ARSK: variants seen among roughly 807,000 people sequenced by gnomAD.
The protein encoded by ARSK is arylsulfatase K.
A neutral mutation model predicts 53.2 loss-of-function variants in ARSK; 37 were observed. The ratio of observed to expected loss-of-function variants is 0.70; its 90% CI spans 0.54 to 0.92. The LOEUF is 0.92. Among genes scored for constraint, ARSK ranks in the 40% least tolerant of loss-of-function variants. The probability of loss-of-function intolerance (pLI) is 0.00; values close to 1 mark genes in which losing one functional copy is unlikely to be tolerated. For synonymous variants in ARSK, 208 were observed against 223.2 expected (o/e 0.93, Z 0.61); for missense variants, 613 against 643.0 (o/e 0.95, Z 0.51).
intron 1 of ARSK, among the ~76,000 whole-genome samples, chr5:95,558,013 C>T (rs967679529): frequency 2.6e-5 from 4 of 152,170 alleles, no homozygotes; most frequent in African/African-American, 9.7e-5. Context: ...ACAGAGGTTT[C>T]ACTCAGGTGG....
At position 95,596,358 on chromosome 5, in the gene ARSK, CCTTT is replaced by C. The variant is rs57270208; in HGVS notation, c.1097-4484_1097-4481del. ...TATCTATTCTTAGAGCTCTCAAAGT[CCTTT>C]CTTTATTAGTTTAGCTGTAGCTTTA... On this transcript the variant is annotated intron_variant, in intron 6 of 7. Transcript: ENST00000380009. Among the ~76,000 whole-genome samples, 724 of 152,194 alleles carry C rather than the reference CCTTT, an allele frequency of 4.8e-3. 2 individuals are homozygous for C. Among genetic ancestry groups the C allele is most frequent in the African/African-American group, 0.016 (676 of 41,552 alleles).
chr5:95,573,327 A>C (rs1748867436), intron 3 of ARSK, among the ~76,000 whole-genome samples: 1 of 152,186 alleles, frequency 6.6e-6, no homozygotes, highest in Admixed American at 6.5e-5. Context: ...TTAAAAACTA[A>C]ATTTCTAACA....
intron 3 of ARSK, among the ~76,000 whole-genome samples, chr5:95,579,246 A>G (rs969049844): frequency 9.9e-5 from 15 of 152,164 alleles, no homozygotes; most frequent in Admixed American, 8.5e-4. Context: ...CAGTGAGTCT[A>G]GGATAGTGTA....
At chr5:95,595,097 A>G (rs559675746) in intron 6 of ARSK, among the ~76,000 whole-genome samples, 1 of 152,320 alleles carries the variant, frequency 6.6e-6, no homozygotes, top group East Asian at 1.9e-4. Context: ...TGGATTAAAA[A>G]TAGTCACTTC....
intron 3 of ARSK, among the ~76,000 whole-genome samples, chr5:95,571,421 G>T (rs1748829594): frequency 6.6e-6 from 1 of 152,118 alleles, no homozygotes; most frequent in Admixed American, 6.5e-5. Flanking sequence ...GAATGAAAAA[G>T]TTATTTTGAA....
chr5:95,572,560 C>T lies in ARSK; in HGVS notation c.416+4511C>T, dbSNP rs140318517. 9.7e-3 allele frequency among the ~76,000 whole-genome samples: 1,484 copies of T among 152,324 alleles called. 15 individuals are homozygous for T. Among genetic ancestry groups the T allele is most frequent in the Non-Finnish European group, 0.016 (1,110 of 68,026 alleles). Reference sequence around the variant, plus strand: ...TTGGGAGGCCGAGGCGGGCAGATCACGAGGTCAGGAGATTGATACCATCTT... The same window carrying T: ...TTGGGAGGCCGAGGCGGGCAGATCATGAGGTCAGGAGATTGATACCATCTT... On this transcript the variant is annotated intron_variant, in intron 3 of 7. Transcript: ENST00000380009.
chr5:95,593,817 T>C (rs1561369053), intron 6 of ARSK, among the ~76,000 whole-genome samples: 1 of 152,090 alleles, frequency 6.6e-6, no homozygotes, highest in African/African-American at 2.4e-5. Context: ...TAGGTTTTTT[T>C]CCTGCAATTT....
chr5:95,591,292 A>T, intron 5 of ARSK, 109 bp from the exon 6 acceptor site: 1 of 905,962 alleles, frequency 1.1e-6, no homozygotes, highest in Non-Finnish European at 1.7e-6. Flanking sequence ...TTCAGATGTT[A>T]AGAAGCATAG....
chr5:95,561,501 C>T (rs1380888732), intron 1 of ARSK, among the ~76,000 whole-genome samples: 1 of 152,058 alleles, frequency 6.6e-6, no homozygotes, highest in African/African-American at 2.4e-5. Context: ...AATGGCCAAA[C>T]AGTATAAACA....
chr5:95,578,774 A>G (rs1259563922), intron 3 of ARSK, among the ~76,000 whole-genome samples: 4 of 152,134 alleles, frequency 2.6e-5, no homozygotes, highest in African/African-American at 9.7e-5. Context: ...TTTAAGGTAT[A>G]TTTTTTCAGA....
At chr5:95,573,143 C>T (rs1322912346) in intron 3 of ARSK, among the ~76,000 whole-genome samples, 1 of 152,148 alleles carries the variant, frequency 6.6e-6, no homozygotes, top group Non-Finnish European at 1.5e-5. Flanking sequence ...TTAGGAATGT[C>T]ACACTTAAAA....
rs1748489086 is a variant in ARSK at position 95,555,778 on chromosome 5, C to T, written c.126+374C>T. On this transcript the variant is annotated intron_variant, in intron 1 of 7. Transcript: ENST00000380009. This position sits in a 1 kb window ranked among gnomAD's most constrained non-coding sequence, Gnocchi z 4.0. ...AAAAGCGTGTTAGCTTTCCAAAAGT[C>T]ATTTTCCAGTTCACCTCAAGTTTGC... 6.6e-6 allele frequency among the ~76,000 whole-genome samples: 1 copy of T among 152,188 alleles called. No homozygotes were observed. The highest frequency in any genetic ancestry group is 1.5e-5 in the Non-Finnish European group (1 of 68,024).
chr5:95,582,957 T>C lies in ARSK; in HGVS notation c.458T>C (p.Leu153Pro). The change falls in exon 4 of 8, where the codon CTC becomes CCC. Residue 153 changes from leucine (L) to proline (P), a missense_variant. Transcript: ENST00000380009. ...EAWTRDVAFL[L>P]RQEGRPMVNL... ...TGGACAAGAGATGTTGCTTTCTTAC[T>C]CAGACAAGAAGGCAGGCCCATGGTT... 1 of 1,612,240 alleles carries C rather than the reference T, an allele frequency of 6.2e-7. No homozygotes were observed. Among genetic ancestry groups the C allele is most frequent in the East Asian group, 2.2e-5 (1 of 44,868 alleles).
chr5:95,589,497 C>T (rs1749177440), intron 5 of ARSK, among the ~76,000 whole-genome samples: 1 of 152,196 alleles, frequency 6.6e-6, no homozygotes, highest in Non-Finnish European at 1.5e-5. Context: ...TCTCATTGTT[C>T]AGCTCCCACT....
At chr5:95,586,805 C>A in intron 5 of ARSK, 72 bp downstream of exon 5, 1 of 1,309,750 alleles carries the variant, frequency 7.6e-7, no homozygotes, top group South Asian at 1.6e-5. Context: ...TGTAATCATG[C>A]TGCTTGGTGA....
chr5:95,570,238 A>C (rs555624539), intron 3 of ARSK, among the ~76,000 whole-genome samples: 5 of 152,226 alleles, frequency 3.3e-5, no homozygotes, highest in Non-Finnish European at 7.4e-5. Flanking sequence ...GCCCCTGTCT[A>C]CCTCCAGTCT....
At chr5:95,586,495 A>G (rs542168636) in intron 4 of ARSK, 67 bp from the exon 5 acceptor site, 5 of 1,225,230 alleles carry the variant, frequency 4.1e-6, no homozygotes, top group Non-Finnish European at 5.9e-6. Flanking sequence ...TTCATCATAC[A>G]TACTTATTGG....
At chr5:95,570,401 A>C (rs1451026605) in intron 3 of ARSK, among the ~76,000 whole-genome samples, 1 of 152,228 alleles carries the variant, frequency 6.6e-6, no homozygotes, top group African/African-American at 2.4e-5. Flanking sequence ...TCAGAAAGAA[A>C]GGGAGGGAGA....
chr5:95,582,109 C>T (rs954624231), intron 3 of ARSK, among the ~76,000 whole-genome samples: 3 of 151,952 alleles, frequency 2.0e-5, no homozygotes, highest in African/African-American at 7.2e-5. Flanking sequence ...TTTTAAAACA[C>T]TTTTCTCAAT....
Sources: allele counts gnomAD v4.1 joint callset (sites outside exome capture counted in the v4.1 genomes callset), GRCh38; gene constraint gnomAD v4.1.1; non-coding constraint Gnocchi (gnomAD v3.1); transcripts MANE v1.5; gene names NCBI Gene and HGNC (gene_info 2026-07-23, HGNC 2026-07-21).